PDE10A: variants seen among roughly 807,000 people sequenced by gnomAD.
The protein encoded by PDE10A is cAMP and cAMP-inhibited cGMP 3',5'-cyclic phosphodiesterase 10A.
In PDE10A, 39 loss-of-function variants were observed where a neutral mutation model predicts 97.7. The ratio of observed to expected loss-of-function variants is 0.40; its 90% confidence interval spans 0.31 to 0.52. The LOEUF (loss-of-function observed/expected upper bound fraction) is 0.52. PDE10A is among the 20% of genes least tolerant of loss of function. The probability of loss-of-function intolerance (pLI) is 0.56; values close to 1 mark genes in which losing one functional copy is unlikely to be tolerated. For synonymous variants in PDE10A, 371 were observed against 376.8 expected (o/e 0.98, Z 0.18); for missense variants, 731 against 1,047.8 (o/e 0.70, Z 4.17).
chr6:165,732,388 C>T (rs895301441), intron 1 of PDE10A, among the ~76,000 whole-genome samples: 2 of 152,238 alleles, frequency 1.3e-5, no homozygotes, highest in African/African-American at 4.8e-5. Flanking sequence ...GGCCGAGCCA[C>T]ACAGATGTGC....
intron 1 of PDE10A, among the ~76,000 whole-genome samples, chr6:165,744,779 T>G (rs900406684): frequency 6.6e-6 from 1 of 152,124 alleles, no homozygotes; most frequent in Non-Finnish European, 1.5e-5. Context: ...TTAAAACATT[T>G]TATTTTTTAA....
At chr6:165,455,548 G>A (rs1583316460) in intron 3 of PDE10A, among the ~76,000 whole-genome samples, 1 of 152,312 alleles carries the variant, frequency 6.6e-6, no homozygotes, top group Non-Finnish European at 1.5e-5. Flanking sequence ...GCAATTCTTA[G>A]GCTGCATTTC....
At chr6:165,624,173 A>G (rs984072206) in intron 1 of PDE10A, among the ~76,000 whole-genome samples, 1 of 152,202 alleles carries the variant, frequency 6.6e-6, no homozygotes, top group Admixed American at 6.5e-5. Context: ...AGTTCCCACA[A>G]GAACTGTCCC....
chr6:165,900,928 T>C (rs747130588), intron 1 of PDE10A, among the ~76,000 whole-genome samples: 1 of 152,188 alleles, frequency 6.6e-6, no homozygotes, highest in Non-Finnish European at 1.5e-5. Flanking sequence ...AGCAAGTTTG[T>C]GTTTAAAACC....
At position 165,639,264 on chromosome 6, in the gene PDE10A, G is replaced by C. The variant is rs547238277; in HGVS notation, c.865+22683C>G. ...CAAACTAGTCAATATTCAAACTCCA[G>C]TCAATTGACTGCAAGCGTCACATTC... On this transcript the variant is annotated intron_variant, in intron 1 of 21. Transcript: ENST00000539869. Among the ~76,000 whole-genome samples the C allele has an allele frequency of 9.2e-4, 140 of 152,258 alleles. No homozygotes were observed. The South Asian group carries it at 9.8e-3, about 11-fold the overall frequency.
At chr6:165,837,361 G>C (rs566652230) in intron 1 of PDE10A, among the ~76,000 whole-genome samples, 20 of 152,260 alleles carry the variant, frequency 1.3e-4, no homozygotes, top group Middle Eastern at 6.8e-3. Context: ...ATGTATGGCC[G>C]CAGAGTTAAA....
intron 1 of PDE10A, among the ~76,000 whole-genome samples, chr6:165,835,458 G>A (rs929153984): frequency 3.3e-5 from 5 of 152,196 alleles, no homozygotes; most frequent in African/African-American, 1.2e-4. Flanking sequence ...CTGAGGCCAA[G>A]GCGAGGACAG....
In PDE10A at chr6:165,662,966, G is replaced by T. The variant is rs908166056; in HGVS notation, c.-155C>A. Among the ~76,000 whole-genome samples, 4 of 151,332 alleles carry T rather than the reference G, an allele frequency of 2.6e-5. No homozygotes were observed. The highest frequency in any genetic ancestry group is 9.7e-5 in the African/African-American group (4 of 41,308). ...TCTCCGGTCTTCGGCTTCCCTCCCA[G>T]TCTAGTCTTCACATTGTGCTCGGCT... is the stretch of plus-strand genomic sequence containing the variant. On this transcript the variant is annotated 5_prime_UTR_variant, in exon 1 of 22. It adds an upstream start codon to the 5' untranslated region. Coordinates refer to ENST00000539869, the MANE Select transcript of PDE10A (RefSeq NM_001385079.1).
chr6:165,756,027 G>A (rs1174867093), intron 1 of PDE10A, among the ~76,000 whole-genome samples: 4 of 152,230 alleles, frequency 2.6e-5, no homozygotes, highest in Middle Eastern at 3.4e-3. Context: ...CTGGCTCAGC[G>A]TCCTAAACAA....
chr6:165,893,810 A>G (rs1297221552), intron 1 of PDE10A, among the ~76,000 whole-genome samples: 1 of 149,482 alleles, frequency 6.7e-6, no homozygotes, highest in Non-Finnish European at 1.5e-5. Flanking sequence ...TTGAATCGCA[A>G]CAACATTAGT....
At chr6:165,549,022 A>G (rs1783879529) in intron 1 of PDE10A, among the ~76,000 whole-genome samples, 1 of 152,186 alleles carries the variant, frequency 6.6e-6, no homozygotes, top group Admixed American at 6.5e-5. Flanking sequence ...CAGGTGGAGC[A>G]GCCTCTTCAA....
intron 1 of PDE10A, among the ~76,000 whole-genome samples, chr6:165,587,386 A>T (rs943710562): frequency 6.6e-6 from 1 of 152,244 alleles, no homozygotes; most frequent in Non-Finnish European, 1.5e-5. Flanking sequence ...TCTCATGCAC[A>T]GCAGCAATTT....
chr6:165,334,994 C>T (rs1781564613), intron 21 of PDE10A, among the ~76,000 whole-genome samples: 1 of 152,202 alleles, frequency 6.6e-6, no homozygotes, highest in Admixed American at 6.5e-5. Context: ...TCCACTCCAA[C>T]CCACCCCAGG....
rs370409963 is a variant in PDE10A at position 165,582,675 on chromosome 6, A to C, written c.866-39107T>G. On this transcript the variant is annotated intron_variant, in intron 1 of 21. Transcript: ENST00000539869. ...GGATTCAAGGGTCATGAGAACAAAC[A>C]AAAAAAAAAACAGGTTTTACTCTTT... is the stretch of plus-strand genomic sequence containing the variant. Among the ~76,000 whole-genome samples the C allele has an allele frequency of 3.5e-5, 5 of 142,364 alleles. No homozygotes were observed. In the East Asian group the frequency reaches 7.9e-4, roughly 23 times the overall value. 93.4% of individuals were successfully genotyped at this position (142,364 alleles called of 152,430 possible).
chr6:165,401,512 T>A (rs1479681892), intron 13 of PDE10A, among the ~76,000 whole-genome samples: 1 of 152,240 alleles, frequency 6.6e-6, no homozygotes, highest in Non-Finnish European at 1.5e-5. Context: ...ATTTATTAAC[T>A]GAACAACTGT....
At position 165,432,329 on chromosome 6, in the gene PDE10A, A is replaced by G. The variant is rs566529891; in HGVS notation, c.1491+645T>C. ...GCAACATTTAAGGAAATTCTGAAGG[A>G]TGTGGCTGTGAGGGGGATAAGTGGA... On this transcript the variant is annotated intron_variant, in intron 7 of 21. Transcript: ENST00000539869. Among the ~76,000 whole-genome samples, 247 of 152,318 alleles carry G rather than the reference A, an allele frequency of 1.6e-3. 1 individual carries two copies. The highest frequency in any genetic ancestry group is 5.2e-3 in the African/African-American group (215 of 41,582).
intron 1 of PDE10A, among the ~76,000 whole-genome samples, chr6:165,749,227 A>ACCACCATCC (rs1410546136): frequency 2.5e-5 from 3 of 119,796 alleles, no homozygotes; most frequent in Non-Finnish European, 5.3e-5. Context: ...CCATCATATC[A>ACCACCATCC]CCATCACCAC....
chr6:165,926,637 G>C (rs1468586833), intron 1 of PDE10A, among the ~76,000 whole-genome samples: 2 of 152,154 alleles, frequency 1.3e-5, no homozygotes, highest in East Asian at 3.9e-4. Context: ...CCAGCCACTG[G>C]CAATTAGAGC....
intron 1 of PDE10A, among the ~76,000 whole-genome samples, chr6:165,855,310 G>T (rs868196025): frequency 6.0e-5 from 9 of 149,544 alleles, no homozygotes; most frequent in African/African-American, 9.9e-5. Flanking sequence ...AGTGGCGGGG[G>T]GGGGGGGGGA....
Sources: allele counts gnomAD v4.1 joint callset (sites outside exome capture counted in the v4.1 genomes callset), GRCh38; gene constraint gnomAD v4.1.1; transcripts MANE v1.5; gene names NCBI Gene and HGNC (gene_info 2026-07-23, HGNC 2026-07-21).